The following CRISP1 variants were observed in gnomAD, a reference collection of about 807,000 sequenced individuals.
CRISP1 encodes the protein cysteine rich secretory protein 1.
CRISP1 carries 44 observed loss-of-function variants against 33.1 expected under a neutral mutation model. The ratio of observed to expected loss-of-function variants is 1.33; its 90% CI spans 1.05 to 1.71. The LOEUF is 1.71. Ranked by LOEUF, CRISP1 falls within the 40% of genes most tolerant of loss-of-function variation. The pLI is 0.00. For missense variants in CRISP1, 390 were observed against 301.2 expected (o/e 1.29, Z -2.18); for synonymous variants, 103 against 98.7 (o/e 1.04, Z -0.26).
chr6:49,838,542 T>C lies in CRISP1; in HGVS notation c.534-17A>G. The C allele has an allele frequency of 6.3e-7, 1 of 1,592,376 alleles. No individual in the cohort carries two copies. Among genetic ancestry groups the C allele is most frequent in the Non-Finnish European group, 8.6e-7 (1 of 1,164,012 alleles). Reference sequence around the variant, plus strand: ...TCATTTCCCCTTGAATAAAAAAAAGTGATTTCATAAAACCCATCTTTGAAA... The same window carrying C: ...TCATTTCCCCTTGAATAAAAAAAAGCGATTTCATAAAACCCATCTTTGAAA... On this transcript the variant is annotated splice_polypyrimidine_tract_variant and intron_variant, in intron 6 of 7. Transcript: ENST00000335847.
At chr6:49,853,128 C>T (rs1406132877) in intron 2 of CRISP1, among the ~76,000 whole-genome samples, 1 of 152,108 alleles carries the variant, frequency 6.6e-6, no homozygotes, top group Non-Finnish European at 1.5e-5. Flanking sequence ...GAGACTGTCT[C>T]TGTGGACATA....
At chr6:49,860,290 C>T (rs1771610931) in intron 1 of CRISP1, among the ~76,000 whole-genome samples, 1 of 152,122 alleles carries the variant, frequency 6.6e-6, no homozygotes, top group Non-Finnish European at 1.5e-5. Flanking sequence ...ATTTATAGAA[C>T]ATTTTATCCA....
intron 1 of CRISP1, among the ~76,000 whole-genome samples, chr6:49,871,606 G>A (rs1771926009): frequency 7.8e-6 from 1 of 128,790 alleles, no homozygotes; most frequent in Non-Finnish European, 1.5e-5. Flanking sequence ...GTGTCCATGT[G>A]TTCTCATTGT....
intron 6 of CRISP1, among the ~76,000 whole-genome samples, chr6:49,839,498 A>G (rs1310977180): frequency 6.6e-6 from 1 of 152,064 alleles, no homozygotes; most frequent in African/African-American, 2.4e-5. Flanking sequence ...ATGTATGTCT[A>G]AAAACATAAT....
intron 2 of CRISP1, 97 bp downstream of exon 2, chr6:49,857,238 G>C: frequency 1.8e-6 from 2 of 1,101,828 alleles, no homozygotes. Context: ...GGGTGTAGTG[G>C]CCTCACAACA....
intron 5 of CRISP1, among the ~76,000 whole-genome samples, chr6:49,841,465 G>A (rs1032687351): frequency 4.6e-5 from 7 of 152,062 alleles, no homozygotes; most frequent in East Asian, 1.9e-4. Flanking sequence ...TACATGGGCC[G>A]TACATGACTG....
chr6:49,853,457 A>T (rs1771409506), intron 2 of CRISP1, among the ~76,000 whole-genome samples: 1 of 152,080 alleles, frequency 6.6e-6, no homozygotes, highest in African/African-American at 2.4e-5. Context: ...GATGAATCCA[A>T]CCCTTTGATG....
chr6:49,857,047 T>C (rs917014819), intron 2 of CRISP1, among the ~76,000 whole-genome samples: 1 of 152,172 alleles, frequency 6.6e-6, no homozygotes, highest in Admixed American at 6.6e-5. Context: ...GAGGCCACAA[T>C]GAAATAGATA....
At chr6:49,836,661 A>G (rs147433986) in intron 7 of CRISP1, among the ~76,000 whole-genome samples, 1 of 152,096 alleles carries the variant, frequency 6.6e-6, no homozygotes, top group Admixed American at 6.6e-5. Context: ...ATTTACATTT[A>G]TGTCTTACTG....
chr6:49,853,926 C>T (rs1235345872), intron 2 of CRISP1, among the ~76,000 whole-genome samples: 3 of 152,120 alleles, frequency 2.0e-5, no homozygotes, highest in Non-Finnish European at 4.4e-5. Context: ...TGCATGACCC[C>T]AAATCAGTAA....
intron 1 of CRISP1, among the ~76,000 whole-genome samples, chr6:49,858,623 A>G (rs986221870): frequency 6.6e-6 from 1 of 152,034 alleles, no homozygotes; most frequent in African/African-American, 2.4e-5. Context: ...TTTTTCATCT[A>G]TTTCCTTTCC....
chr6:49,867,624 A>C (rs1771829514), upstream of CRISP1, among the ~76,000 whole-genome samples: 1 of 152,016 alleles, frequency 6.6e-6, no homozygotes, highest in Non-Finnish European at 1.5e-5. Flanking sequence ...TGGTCTTGTT[A>C]AAGTATATAA....
intron 1 of CRISP1, among the ~76,000 whole-genome samples, chr6:49,874,104 G>GA (rs571590307): frequency 7.7e-4 from 117 of 151,208 alleles, no homozygotes; most frequent in Admixed American, 1.5e-3. Context: ...TCCAAAGTTA[G>GA]AAAAAAAATA....
At chr6:49,854,070 A>G (rs986939571) in intron 2 of CRISP1, among the ~76,000 whole-genome samples, 2 of 152,148 alleles carry the variant, frequency 1.3e-5, no homozygotes, top group Non-Finnish European at 2.9e-5. Context: ...CTCTCAACAG[A>G]ATGTGAAATA....
Position 49,873,640 on chromosome 6 carries a change from A to G in CRISP1, c.-3+3369T>C, listed in dbSNP as rs146673013. ...TGGATCAAAAGGAACAGAGTTATTTATAGAACTGGTTATATCAAATGTGAA... is the reference window on the plus strand; with the variant it reads ...TGGATCAAAAGGAACAGAGTTATTTGTAGAACTGGTTATATCAAATGTGAA... On this transcript the variant is annotated intron_variant, in intron 1 of 7. Transcript: ENST00000505118. Among the ~76,000 whole-genome samples, 302 of 152,266 alleles carry G rather than the reference A, an allele frequency of 2.0e-3. 1 individual carries two copies. The highest frequency in any genetic ancestry group is 3.8e-3 in the Non-Finnish European group (257 of 67,994).
intron 1 of CRISP1, among the ~76,000 whole-genome samples, chr6:49,860,902 G>A (rs923234145): frequency 4.0e-5 from 6 of 151,770 alleles, no homozygotes; most frequent in African/African-American, 1.5e-4. Context: ...AACAAAATCA[G>A]AAAAACAAAA....
intron 7 of CRISP1, among the ~76,000 whole-genome samples, chr6:49,836,140 T>C (rs1023917833): frequency 2.2e-4 from 34 of 152,142 alleles, no homozygotes; most frequent in Non-Finnish European, 4.1e-4. Flanking sequence ...TCTATTTGTC[T>C]CTATATAAAG....
At chr6:49,857,651 T>C (rs59244495) in intron 1 of CRISP1, among the ~76,000 whole-genome samples, 5,769 of 152,246 alleles carry the variant, frequency 0.038, 376 homozygotes, top group African/African-American at 0.13. Flanking sequence ...TGTCATATTG[T>C]ATGACACAAG....
intron 1 of CRISP1, 54 bp from the exon 2 acceptor site, chr6:49,857,456 T>G (rs1771528545): frequency 6.6e-7 from 1 of 1,521,772 alleles, no homozygotes; most frequent in African/African-American, 1.4e-5. Flanking sequence ...GGATAACATC[T>G]GGTAATAAAC....
Sources: gnomAD v4.1 joint callset for allele counts (sites outside exome capture counted in the v4.1 genomes callset) on GRCh38, gnomAD v4.1.1 for gene constraint, MANE v1.5 for transcripts, NCBI Gene and HGNC (gene_info 2026-07-23, HGNC 2026-07-21) for gene names.